LIMK2: variants seen among roughly 807,000 people sequenced by gnomAD.
LIMK2 encodes LIM domain kinase 2.
A neutral mutation model predicts 75.7 loss-of-function variants in LIMK2; 35 were observed. The observed-to-expected ratio is 0.46, with a 90% CI of 0.35 to 0.61. The LOEUF is 0.61. LIMK2 is among the 20% of genes least tolerant of loss of function. LIMK2 has a pLI of 0.00. For synonymous variants in LIMK2, 301 were observed against 319.2 expected (o/e 0.94, Z 0.61); for missense variants, 623 against 831.0 (o/e 0.75, Z 3.08).
chr22:31,271,306 T>G (rs2123860838), intron 12 of LIMK2, 105 bp downstream of exon 12: 2 of 948,170 alleles, frequency 2.1e-6, no homozygotes, highest in Non-Finnish European at 3.5e-6. Context: ...GCAGAGGTGT[T>G]GCCTAGGAGC....
chr22:31,214,767 G>A (rs2048376312), intron 1 of LIMK2, among the ~76,000 whole-genome samples: 1 of 152,178 alleles, frequency 6.6e-6, no homozygotes, highest in South Asian at 2.1e-4. Context: ...TTGAGCCTTG[G>A]AGCTGGGAGG....
At chr22:31,213,256 C>G (rs988395511) in intron 1 of LIMK2, among the ~76,000 whole-genome samples, 4 of 152,218 alleles carry the variant, frequency 2.6e-5, no homozygotes, top group African/African-American at 9.6e-5. Context: ...CAGTCACCTC[C>G]CCGCCACCTC....
At chr22:31,270,644 G>T (rs1373337072) in intron 11 of LIMK2, among the ~76,000 whole-genome samples, 1 of 152,244 alleles carries the variant, frequency 6.6e-6, no homozygotes, top group African/African-American at 2.4e-5. Context: ...AGTTTAGACA[G>T]TGGGGAAGGT....
intron 1 of LIMK2, among the ~76,000 whole-genome samples, chr22:31,219,003 T>C (rs1383580497): frequency 2.0e-5 from 3 of 152,264 alleles, no homozygotes; most frequent in Non-Finnish European, 4.4e-5. Flanking sequence ...AACCAAGCTC[T>C]TAGACCAAAT....
intron 2 of LIMK2, among the ~76,000 whole-genome samples, chr22:31,233,819 T>G (rs1391927598): frequency 6.6e-6 from 1 of 152,202 alleles, no homozygotes; most frequent in East Asian, 1.9e-4. Context: ...TCTCTCATCC[T>G]GCATATCCAA....
Position 31,235,230 on chromosome 22 carries a change from A to G in LIMK2, c.116+9411A>G, listed in dbSNP as rs1299459581. ...GAATTGCTAGAGGTGGCCAAGAGAT[A>G]TGATGTAAGTCAGGCTTTTCCCTGC... On this transcript the variant is annotated intron_variant, in intron 2 of 15. Transcript: ENST00000331728. Among the ~76,000 whole-genome samples the G allele has an allele frequency of 4.6e-5, 7 of 152,172 alleles. No individual in the cohort carries two copies. The South Asian group carries it at 1.2e-3, about 27-fold the overall frequency.
intron 2 of LIMK2, among the ~76,000 whole-genome samples, chr22:31,235,083 C>T (rs1375487770): frequency 6.6e-6 from 1 of 152,010 alleles, no homozygotes; most frequent in African/African-American, 2.4e-5. Context: ...TTCATGTGAT[C>T]ATCTCCTTAA....
chr22:31,236,539 G>T (rs2048576330), intron 2 of LIMK2, among the ~76,000 whole-genome samples: 1 of 149,816 alleles, frequency 6.7e-6, no homozygotes, highest in Admixed American at 6.7e-5. Context: ...AGCCCAGGAG[G>T]TTGAGGCTGC....
intron 15 of LIMK2, among the ~76,000 whole-genome samples, chr22:31,275,860 T>C (rs1476604687): frequency 6.6e-6 from 1 of 152,216 alleles, no homozygotes. Flanking sequence ...AGGAAGTATT[T>C]TCAAAATTAC....
chr22:31,248,114 T>C lies in LIMK2; in HGVS notation c.117-10177T>C, dbSNP rs563407756. On this transcript the variant is annotated intron_variant, in intron 2 of 15. Coordinates refer to ENST00000331728, the MANE Select transcript of LIMK2 (RefSeq NM_005569.4). ...TAGGCAGCTCCTCTGCTTGAGGACA[T>C]CTGGGGCCAGATATGTTCACACTCT... Among the ~76,000 whole-genome samples the C allele has an allele frequency of 1.3e-4, 20 of 151,862 alleles. 1 individual carries two copies. Among genetic ancestry groups the C allele is most frequent in the Non-Finnish European group, 4.4e-5 (3 of 67,962 alleles).
At position 31,266,126 on chromosome 22, in the gene LIMK2, T is replaced by C; in HGVS notation, c.1035T>C (p.Ala345=). 6.2e-7 allele frequency: 1 copy of C among 1,614,172 alleles called. No individual in the cohort carries two copies. Among genetic ancestry groups the C allele is most frequent in the Non-Finnish European group, 8.5e-7 (1 of 1,180,008 alleles). The change falls in exon 8 of 16, where the codon GCT becomes GCC. Residue 345 remains alanine, a synonymous_variant. Transcript: ENST00000331728. ...EVLGKGFFGQ[A]IKVTHKATGK... is the part of the protein sequence containing the mutation. ...TGGGGAAGGGCTTCTTTGGGCAGGC[T>C]ATCAAGGTGAGCGCAGGCAACAATT...
In LIMK2 at chr22:31,279,811, T is replaced by C. The variant is rs2049068444; in HGVS notation, c.*1370T>C. 6.6e-6 allele frequency: 1 copy of C among 152,234 alleles called. No homozygotes were observed. Among genetic ancestry groups the C allele is most frequent in the South Asian group, 2.1e-4 (1 of 4,826 alleles). 9.4% of individuals were successfully genotyped at this position (152,234 alleles called of 1,614,324 possible). On this transcript the variant is annotated 3_prime_UTR_variant, in exon 16 of 16. Coordinates refer to ENST00000331728, the MANE Select transcript of LIMK2 (RefSeq NM_005569.4). ...GTTGCTGTTAATATTATCTTATCTA[T>C]TGGGTGGTATGTGAAATATTGTACA...
chr22:31,248,085 C>T (rs1037931715), intron 2 of LIMK2, among the ~76,000 whole-genome samples: 2 of 151,800 alleles, frequency 1.3e-5, no homozygotes, highest in Non-Finnish European at 2.9e-5. Flanking sequence ...GAATTACTGT[C>T]CTGTAGGCAG....
intron 1 of LIMK2, among the ~76,000 whole-genome samples, chr22:31,222,429 G>A (rs1345621403): frequency 2.4e-5 from 3 of 127,134 alleles, no homozygotes; most frequent in South Asian, 5.2e-4. Flanking sequence ...TTGCCCAGGC[G>A]TGAGTGCAGT....
At chr22:31,240,189 C>G (rs962322644) in intron 2 of LIMK2, among the ~76,000 whole-genome samples, 7 of 152,166 alleles carry the variant, frequency 4.6e-5, no homozygotes, top group Admixed American at 1.3e-4. Context: ...TCATGCCAGA[C>G]TTGAGTTAAG....
At chr22:31,244,157 C>T (rs2048646374) in intron 2 of LIMK2, among the ~76,000 whole-genome samples, 1 of 152,208 alleles carries the variant, frequency 6.6e-6, no homozygotes, top group African/African-American at 2.4e-5. Context: ...CTCCTGCTCA[C>T]ATTCCTAGAC....
rs1370131794 is a variant in LIMK2 at position 31,279,603 on chromosome 22, G to C, written c.*1162G>C. The C allele has an allele frequency of 2.6e-5, 4 of 152,182 alleles. No homozygotes were observed. Among genetic ancestry groups the C allele is most frequent in the African/African-American group, 9.7e-5 (4 of 41,428 alleles). 9.4% of individuals were successfully genotyped at this position (152,182 alleles called of 1,614,324 possible). On this transcript the variant is annotated 3_prime_UTR_variant, in exon 16 of 16. Coordinates refer to ENST00000331728, the MANE Select transcript of LIMK2 (RefSeq NM_005569.4). ...GGCAGCATCCTCCTGAGCCACATGT[G>C]CAGGTACTGGAAAACCTCCATCTTG...
Position 31,273,519 on chromosome 22 carries a change from C to A in LIMK2, c.1614+12C>A. On this transcript the variant is annotated intron_variant, in intron 14 of 15. Coordinates refer to ENST00000331728, the MANE Select transcript of LIMK2 (RefSeq NM_005569.4). ...TCGTTCTCTGTGAGGTGAGCTCTGG[C>A]ACCAAGGCCATGCCCGAGGCAGCAG... 6.2e-7 allele frequency: 1 copy of A among 1,612,396 alleles called. No individual in the cohort carries two copies. Among genetic ancestry groups the A allele is most frequent in the Non-Finnish European group, 8.5e-7 (1 of 1,178,522 alleles).
chr22:31,269,276 A>ATTTTTT (rs1231577841), intron 11 of LIMK2, among the ~76,000 whole-genome samples: 1 of 103,660 alleles, frequency 9.6e-6, no homozygotes, highest in Non-Finnish European at 2.0e-5. Context: ...AATTTTTTGA[A>ATTTTTT]TTTTTTTTTC....
Sources: gnomAD v4.1 joint callset for allele counts (sites outside exome capture counted in the v4.1 genomes callset) on GRCh38, gnomAD v4.1.1 for gene constraint, MANE v1.5 for transcripts, NCBI Gene and HGNC (gene_info 2026-07-23, HGNC 2026-07-21) for gene names.